ASIC2: variants seen among roughly 807,000 people sequenced by gnomAD.
ASIC2 encodes acid-sensing ion channel 2.
Under a neutral mutation model 57.3 loss-of-function variants are expected in ASIC2, and 25 were observed. The observed-to-expected ratio is 0.44, with a 90% confidence interval of 0.32 to 0.61. The LOEUF (loss-of-function observed/expected upper bound fraction) is 0.61, where lower values mean the gene tolerates loss of function less well. Among genes scored for constraint, ASIC2 ranks in the 20% least tolerant of loss-of-function variants. The probability of loss-of-function intolerance (pLI) is 0.06; values close to 1 mark genes in which losing one functional copy is unlikely to be tolerated. For synonymous variants in ASIC2, 319 were observed against 307.5 expected, an observed-to-expected ratio of 1.04 and a Z score of -0.39; for missense variants, 641 against 738.1, an observed-to-expected ratio of 0.87 and a Z score of 1.52.
At chr17:34,020,696 A>G (rs74377341) in intron 1 of ASIC2, among the ~76,000 whole-genome samples, 9,621 of 152,164 alleles carry the variant, frequency 0.063, 720 homozygotes, top group African/African-American at 0.18. Flanking sequence ...TCAGTTCTAC[A>G]ACTGCAAGGA....
chr17:33,267,824 G>A (rs1190740456), intron 1 of ASIC2, among the ~76,000 whole-genome samples: 2 of 152,128 alleles, frequency 1.3e-5, no homozygotes, highest in African/African-American at 2.4e-5. Flanking sequence ...GAGGTGGCAA[G>A]GGGCAAATGA....
chr17:34,105,495 T>G (rs1337069677), intron 1 of ASIC2, among the ~76,000 whole-genome samples: 2 of 98,366 alleles, frequency 2.0e-5, no homozygotes, highest in Non-Finnish European at 4.4e-5. Context: ...TTTTTTTTTT[T>G]GCTTGTTTTT....
chr17:33,681,518 A>G lies in ASIC2; in HGVS notation c.555+474460T>C, dbSNP rs11868282. Among the ~76,000 whole-genome samples the G allele has an allele frequency of 9.2e-3, 1,408 of 152,298 alleles. 20 individuals carry two copies. The highest frequency in any genetic ancestry group is 0.031 in the African/African-American group (1,303 of 41,564). On this transcript the variant is annotated intron_variant, in intron 1 of 9. Coordinates refer to the ASIC2 transcript ENST00000359872. Reference sequence around the variant, plus strand: ...CTAATTCTGGCCAATGAGACTTGAAAGAAACTCTGCAGGGCCCTTCCTGGA... The same window carrying G: ...CTAATTCTGGCCAATGAGACTTGAAGGAAACTCTGCAGGGCCCTTCCTGGA...
intron 1 of ASIC2, among the ~76,000 whole-genome samples, chr17:33,643,675 AT>A (rs1354527296): frequency 2.0e-5 from 3 of 152,234 alleles, no homozygotes; most frequent in African/African-American, 7.2e-5. Context: ...TACTAATCAT[AT>A]AACTGTGGAT....
Position 33,898,281 on chromosome 17 carries a change from G to A in ASIC2, c.555+257697C>T, listed in dbSNP as rs192740376. On this transcript the variant is annotated intron_variant, in intron 1 of 9. Coordinates refer to the ASIC2 transcript ENST00000359872. ...GACTGAGTCTCGCTCTGTCACCCAG[G>A]CTGGAGTGCAGTGGCGGGATCTTGG... Among the ~76,000 whole-genome samples the A allele has an allele frequency of 2.6e-3, 310 of 120,006 alleles. 3 individuals are homozygous for A. Among genetic ancestry groups the A allele is most frequent in the African/African-American group, 9.5e-3 (300 of 31,724 alleles). 78.7% of individuals were successfully genotyped at this position (120,006 alleles called of 152,430 possible). A position where few individuals can be genotyped will look rare whatever the true frequency, so the allele number is the denominator to read the frequency against.
At chr17:33,963,399 C>T (rs1904984793) in intron 1 of ASIC2, among the ~76,000 whole-genome samples, 1 of 152,110 alleles carries the variant, frequency 6.6e-6, no homozygotes, top group Non-Finnish European at 1.5e-5. Context: ...TTTCTGGACG[C>T]AGAGTAGGTG....
At chr17:33,429,681 C>T (rs1319791386) in intron 1 of ASIC2, among the ~76,000 whole-genome samples, 1 of 152,060 alleles carries the variant, frequency 6.6e-6, no homozygotes, top group African/African-American at 2.4e-5. Context: ...TGAGCCACCG[C>T]CCCCAGCCCA....
chr17:33,497,167 A>T (rs1368420110), intron 1 of ASIC2, among the ~76,000 whole-genome samples: 1 of 152,224 alleles, frequency 6.6e-6, no homozygotes, highest in Non-Finnish European at 1.5e-5. Context: ...CACAGCATCC[A>T]TGTCCCCTTC....
intron 1 of ASIC2, among the ~76,000 whole-genome samples, chr17:33,408,302 G>A (rs1910538006): frequency 1.3e-5 from 2 of 152,224 alleles, no homozygotes; most frequent in Admixed American, 6.5e-5. Context: ...ATGTGCTGCA[G>A]TGGTGAGAAC....
chr17:34,109,974 GAGAGA>G (rs1341467089), intron 1 of ASIC2, among the ~76,000 whole-genome samples: 2 of 150,918 alleles, frequency 1.3e-5, no homozygotes, highest in East Asian at 1.9e-4. Context: ...AAGAGAGAGA[GAGAGA>G]TGAGATGAGA....
Position 33,025,914 on chromosome 17 carries a change from C to T in ASIC2, c.1195+12G>A, listed in dbSNP as rs16967902. 16,961 of 1,608,346 alleles carry T rather than the reference C, an allele frequency of 0.011. 96 individuals carry two copies. The highest frequency in any genetic ancestry group is 0.013 in the Non-Finnish European group (15,318 of 1,177,640). Reference sequence around the variant, plus strand: ...CGGCCCCCATGATTCCATCTGTCCCCTGAGTACTGACCTAGGGCAGGCTCT... The same window carrying T: ...CGGCCCCCATGATTCCATCTGTCCCTTGAGTACTGACCTAGGGCAGGCTCT... On this transcript the variant is annotated intron_variant, in intron 5 of 9. Coordinates refer to ENST00000225823, the MANE Select transcript of ASIC2 (RefSeq NM_183377.2).
chr17:33,844,173 T>C lies in ASIC2; in HGVS notation c.555+311805A>G, dbSNP rs184824928. 1.7e-4 allele frequency among the ~76,000 whole-genome samples: 26 copies of C among 152,354 alleles called. 1 individual carries two copies. The East Asian group carries it at 4.0e-3, about 24-fold the overall frequency. ...GTGCTGGTAATACAGGTTAATGTAT[T>C]GGTGCTAAAATTTGGTACATGGCAT... On this transcript the variant is annotated intron_variant, in intron 1 of 9. Transcript: ENST00000359872.
At chr17:33,786,340 G>A (rs1911599820) in intron 1 of ASIC2, among the ~76,000 whole-genome samples, 1 of 152,054 alleles carries the variant, frequency 6.6e-6, no homozygotes, top group Non-Finnish European at 1.5e-5. Context: ...AGTGGGAAGG[G>A]TGACCTTGAG....
intron 1 of ASIC2, among the ~76,000 whole-genome samples, chr17:33,551,561 C>G (rs1915753265): frequency 6.6e-6 from 1 of 152,126 alleles, no homozygotes; most frequent in Non-Finnish European, 1.5e-5. Context: ...TGGTCTACTC[C>G]CAATCAGATG....
intron 1 of ASIC2, among the ~76,000 whole-genome samples, chr17:33,490,858 C>T (rs558816099): frequency 6.6e-5 from 10 of 152,220 alleles, no homozygotes; most frequent in African/African-American, 2.4e-4. Context: ...GGCATTTTCG[C>T]CGGGGATAAT....
intron 1 of ASIC2, among the ~76,000 whole-genome samples, chr17:34,042,054 A>G (rs1908154886): frequency 1.3e-5 from 2 of 152,254 alleles, no homozygotes; most frequent in Non-Finnish European, 2.9e-5. Flanking sequence ...CACTTACTAG[A>G]ATGTTTTAAA....
intron 3 of ASIC2, among the ~76,000 whole-genome samples, chr17:33,065,821 T>G (rs1347005677): frequency 6.6e-6 from 1 of 152,190 alleles, no homozygotes; most frequent in African/African-American, 2.4e-5. Flanking sequence ...ATATGTCCGA[T>G]TTTTAAAGTT....
At chr17:33,697,184 G>A (rs1241066368) in intron 1 of ASIC2, among the ~76,000 whole-genome samples, 2 of 152,130 alleles carry the variant, frequency 1.3e-5, no homozygotes, top group Non-Finnish European at 2.9e-5. Flanking sequence ...GCAGATGCCA[G>A]CATCACACTT....
At chr17:33,326,399 G>C (rs1907082104) in intron 1 of ASIC2, among the ~76,000 whole-genome samples, 1 of 152,130 alleles carries the variant, frequency 6.6e-6, no homozygotes, top group African/African-American at 2.4e-5. Context: ...TCAAATAGTG[G>C]AGTCAGATAA....
Sources: gnomAD v4.1 joint callset for allele counts (sites outside exome capture counted in the v4.1 genomes callset) on GRCh38, gnomAD v4.1.1 for gene constraint, MANE v1.5 for transcripts, NCBI Gene and HGNC (gene_info 2026-07-23, HGNC 2026-07-21) for gene names.